The following EIF2AK2 variants were observed in gnomAD, a reference collection of about 807,000 sequenced individuals.
EIF2AK2 encodes interferon-induced, double-stranded RNA-activated protein kinase.
EIF2AK2 carries 40 observed loss-of-function variants against 70.5 expected under a neutral mutation model. The observed-to-expected ratio is 0.57, with a 90% CI of 0.44 to 0.74. The LOEUF is 0.74. Ranked by LOEUF, EIF2AK2 falls within the 30% of genes least tolerant of loss-of-function variation. EIF2AK2 has a pLI of 0.00. For synonymous variants in EIF2AK2, 198 were observed against 220.9 expected, an observed-to-expected ratio of 0.90 and a Z score of 0.92; for missense variants, 555 against 644.3, an observed-to-expected ratio of 0.86 and a Z score of 1.50.
At chr2:37,126,584 T>A (rs1032165071) in intron 10 of EIF2AK2, among the ~76,000 whole-genome samples, 173 bp from the exon 11 acceptor site, 2 of 151,210 alleles carry the variant, frequency 1.3e-5, no homozygotes, top group Non-Finnish European at 2.9e-5. Context: ...TCACAAAGAG[T>A]AGTCCTCTCA....
At chr2:37,116,835 T>C (rs1674358218) in intron 13 of EIF2AK2, among the ~76,000 whole-genome samples, 1 of 152,068 alleles carries the variant, frequency 6.6e-6, no homozygotes, top group African/African-American at 2.4e-5. Flanking sequence ...AAACAGAAAA[T>C]TGAATTTGTG....
intron 13 of EIF2AK2, among the ~76,000 whole-genome samples, chr2:37,118,715 C>A (rs1294061942): frequency 6.6e-6 from 1 of 152,146 alleles, no homozygotes; most frequent in Non-Finnish European, 1.5e-5. Context: ...ATATTGGAAC[C>A]AGACAGACTC....
chr2:37,154,430 C>T lies in EIF2AK2; in HGVS notation c.-184+2478G>A, dbSNP rs1573047180. On this transcript the variant is annotated intron_variant, in intron 1 of 16. Transcript: ENST00000233057. Reference sequence around the variant, plus strand: ...TTTTTGTCGAGGTTACCAATGGCTTCCCTATCACTAAATCCAGTAGTCAGT... The same window carrying T: ...TTTTTGTCGAGGTTACCAATGGCTTTCCTATCACTAAATCCAGTAGTCAGT... 3.3e-5 allele frequency among the ~76,000 whole-genome samples: 5 copies of T among 152,272 alleles called. No homozygotes were observed. The South Asian group carries it at 1.0e-3, about 32-fold the overall frequency.
chr2:37,132,196 C>A (rs1674966899), intron 10 of EIF2AK2, among the ~76,000 whole-genome samples: 1 of 152,148 alleles, frequency 6.6e-6, no homozygotes, highest in South Asian at 2.1e-4. Flanking sequence ...ACAACATATC[C>A]CCTTTTATCC....
chr2:37,148,054 G>C (rs1013175532), intron 2 of EIF2AK2, among the ~76,000 whole-genome samples: 3 of 152,132 alleles, frequency 2.0e-5, no homozygotes, highest in African/African-American at 7.2e-5. Flanking sequence ...ACTTGGCCAG[G>C]TGTGGTGGCT....
rs1354754850 is a variant in EIF2AK2 at position 37,122,635 on chromosome 2, G to C, written c.938C>G (p.Ala313Gly). ...EKAEREVKALAKLDHVNIVHY... is the reference protein window; with the variant it reads ...EKAEREVKALGKLDHVNIVHY... ...AACAATATTTACATGATCAAGTTTT[G>C]CCAATGCTTTTACTTCACGCTCCGC... The change falls in exon 12 of 17, where the codon GCA becomes GGA. Residue 313 changes from alanine (A) to glycine (G), a missense_variant. Physicochemically the swap from Ala to Gly is moderately conservative, Grantham distance 60 (BLOSUM62 0). Around this residue, in one of 3 missense-constraint regions of EIF2AK2, gnomAD observed 299 missense variants for 375.4 expected, o/e 0.80. Transcript: ENST00000233057. 1.9e-6 allele frequency: 3 copies of C among 1,614,046 alleles called. No homozygotes were observed. Among genetic ancestry groups the C allele is most frequent in the African/African-American group, 1.3e-5 (1 of 75,010 alleles).
intron 11 of EIF2AK2, among the ~76,000 whole-genome samples, chr2:37,125,106 G>A (rs1033945966): frequency 1.3e-5 from 2 of 151,952 alleles, no homozygotes; most frequent in Non-Finnish European, 2.9e-5. Flanking sequence ...TCCGCCTCCC[G>A]GGTTCAAGCA....
At chr2:37,116,255 T>G (rs1674338157) in intron 13 of EIF2AK2, among the ~76,000 whole-genome samples, 1 of 152,088 alleles carries the variant, frequency 6.6e-6, no homozygotes. Context: ...TGTCTCATTT[T>G]GTTATCCAGG....
Position 37,102,665 on chromosome 2 carries a change from C to T in EIF2AK2, c.*4608G>A, listed in dbSNP as rs553774093. On this transcript the variant is annotated 3_prime_UTR_variant, in exon 17 of 17. Coordinates refer to ENST00000233057, the MANE Select transcript of EIF2AK2 (RefSeq NM_001135651.3). The stretch of plus-strand genomic sequence containing the variant: ...CAGGATGGCTTCATGGACATGCAAC[C>T]TGTGCAGTTGCACAAGACTGTGCTT... 2 of 152,314 alleles carry T rather than the reference C, an allele frequency of 1.3e-5. No individual in the cohort carries two copies. The highest frequency in any genetic ancestry group is 3.9e-4 in the East Asian group (2 of 5,192). The allele number at this position is 152,314 out of a possible 1,614,324, so 9.4% of individuals were successfully genotyped here.
intron 12 of EIF2AK2, among the ~76,000 whole-genome samples, chr2:37,121,361 T>C (rs1012459194): frequency 7.2e-6 from 1 of 139,674 alleles, no homozygotes; most frequent in Admixed American, 7.3e-5. Context: ...CAGATAGAAA[T>C]AGGAACATGA....
chr2:37,130,869 C>T (rs2148690568), intron 10 of EIF2AK2, among the ~76,000 whole-genome samples: 1 of 152,288 alleles, frequency 6.6e-6, no homozygotes. Context: ...AACACACAGC[C>T]AGGCTTTTAA....
At position 37,107,025 on chromosome 2, in the gene EIF2AK2, G is replaced by C; in HGVS notation, c.*248C>G. The stretch of plus-strand genomic sequence containing the variant: ...TCATTGCACTCCAGCCTGGGCAACA[G>C]AGCGAGACTCTGTCTTTAAAAAAAA... On this transcript the variant is annotated 3_prime_UTR_variant, in exon 17 of 17. Coordinates refer to ENST00000233057, the MANE Select transcript of EIF2AK2 (RefSeq NM_001135651.3). 3.1e-6 allele frequency: 1 copy of C among 324,438 alleles called. No homozygotes were observed. The highest frequency in any genetic ancestry group is 5.2e-6 in the Non-Finnish European group (1 of 193,122). 20.1% of individuals were successfully genotyped at this position (324,438 alleles called of 1,614,324 possible).
chr2:37,117,123 G>A (rs1674370581), intron 13 of EIF2AK2, among the ~76,000 whole-genome samples: 1 of 149,342 alleles, frequency 6.7e-6, no homozygotes, highest in Admixed American at 6.8e-5. Flanking sequence ...TGACGCAGGA[G>A]AATCTCGTGA....
intron 4 of EIF2AK2, among the ~76,000 whole-genome samples, chr2:37,143,095 G>C (rs1028523176): frequency 6.6e-6 from 1 of 152,050 alleles, no homozygotes; most frequent in African/African-American, 2.4e-5. Context: ...TGGCCGTGGT[G>C]GTGGGTGCCT....
chr2:37,123,031 A>G (rs1400891600), intron 11 of EIF2AK2, among the ~76,000 whole-genome samples: 1 of 151,862 alleles, frequency 6.6e-6, no homozygotes, highest in Non-Finnish European at 1.5e-5. Flanking sequence ...AGCTGGGCAC[A>G]GTGGCGCATG....
intron 9 of EIF2AK2, 178 bp downstream of exon 9, chr2:37,136,805 G>A (rs552037069): frequency 1.5e-4 from 79 of 522,628 alleles, no homozygotes; most frequent in Non-Finnish European, 2.5e-4. Flanking sequence ...TGTAGCATGT[G>A]CACATAGTCA....
At chr2:37,152,252 C>A (rs1439086385) in intron 1 of EIF2AK2, among the ~76,000 whole-genome samples, 1 of 152,170 alleles carries the variant, frequency 6.6e-6, no homozygotes, top group Non-Finnish European at 1.5e-5. Flanking sequence ...TTGGAAAGCT[C>A]TTTTGATCTT....
At chr2:37,141,781 T>C in intron 4 of EIF2AK2, 80 bp from the exon 5 acceptor site, 1 of 1,381,400 alleles carries the variant, frequency 7.2e-7, no homozygotes. Context: ...CTAATAAAAT[T>C]ACTAAATGAG....
rs1295842143 is a variant in EIF2AK2, at chr2:37,126,278, T to G, written c.908+11A>C. The G allele has an allele frequency of 6.3e-7, 1 of 1,575,826 alleles. No homozygotes were observed. The highest frequency in any genetic ancestry group is 2.3e-5 in the East Asian group (1 of 44,174). On this transcript the variant is annotated intron_variant, in intron 11 of 16. Transcript: ENST00000233057. ...TTGCCATTCAAAAAAATGTAAACAT[T>G]TACTACTTACTCGTTATTATATTTA...
Sources: gnomAD v4.1 joint callset for allele counts (sites outside exome capture counted in the v4.1 genomes callset) on GRCh38, gnomAD v4.1.1 for gene constraint, gnomAD v4.1.1 regional missense constraint, MANE v1.5 for transcripts, NCBI Gene and HGNC (gene_info 2026-07-23, HGNC 2026-07-21) for gene names.